The following CSGALNACT1 variants were observed in gnomAD, a reference collection of about 807,000 sequenced individuals.
CSGALNACT1 encodes the protein chondroitin sulfate N-acetylgalactosaminyltransferase 1.
A neutral mutation model predicts 51.0 loss-of-function variants in CSGALNACT1; 52 were observed. That is an observed-to-expected ratio of 1.02 (90% confidence interval 0.82 to 1.29). The LOEUF (loss-of-function observed/expected upper bound fraction) is 1.29. Ranked by LOEUF, CSGALNACT1 falls within the 50% of genes most tolerant of loss-of-function variation. The pLI is 0.00. For synonymous variants in CSGALNACT1, 341 were observed against 254.4 expected, an observed-to-expected ratio of 1.34 and a Z score of -3.24; for missense variants, 935 against 679.2, an observed-to-expected ratio of 1.38 and a Z score of -4.19.
chr8:19,662,502 G>A lies in CSGALNACT1; in HGVS notation c.-544+19971C>T, dbSNP rs1418242788. Among the ~76,000 whole-genome samples the A allele has an allele frequency of 3.9e-5, 6 of 152,336 alleles. No individual in the cohort carries two copies. In the Middle Eastern group the frequency reaches 0.01, roughly 259 times the overall value. The stretch of plus-strand genomic sequence containing the variant: ...TAAACTGTTAGGCTGATGTTTGGGT[G>A]AAAAAGGTTCACATCATCTAATAAT... On this transcript the variant is annotated intron_variant, in intron 1 of 9. Transcript: ENST00000332246.
intron 4 of CSGALNACT1, among the ~76,000 whole-genome samples, chr8:19,469,035 A>G (rs4455847): frequency 0.73 from 111,008 of 151,688 alleles, 41,728 homozygotes; most frequent in East Asian, 0.87. Context: ...CCCAACAGAT[A>G]AGTGAGGGCC....
intron 2 of CSGALNACT1, among the ~76,000 whole-genome samples, chr8:19,594,527 T>C (rs1345052326): frequency 1.3e-5 from 2 of 152,100 alleles, no homozygotes; most frequent in African/African-American, 4.8e-5. Flanking sequence ...CACATGCAAT[T>C]AGCTAGTCCA....
intron 6 of CSGALNACT1, among the ~76,000 whole-genome samples, chr8:19,428,729 G>A (rs1460114918): frequency 1.3e-5 from 2 of 151,932 alleles, no homozygotes; most frequent in African/African-American, 4.8e-5. Flanking sequence ...CGTTCAATTT[G>A]GTTCCACAGA....
At chr8:19,504,070 G>C (rs1300155542) in intron 4 of CSGALNACT1, among the ~76,000 whole-genome samples, 1 of 152,084 alleles carries the variant, frequency 6.6e-6, no homozygotes, top group Non-Finnish European at 1.5e-5. Flanking sequence ...ATATTTCTGG[G>C]CAAGATGAAT....
At chr8:19,503,333 G>A (rs1587386323) in intron 4 of CSGALNACT1, among the ~76,000 whole-genome samples, 2 of 152,204 alleles carry the variant, frequency 1.3e-5, no homozygotes, top group Non-Finnish European at 2.9e-5. Flanking sequence ...CCAAGCCTCA[G>A]AGCAAATATA....
chr8:19,663,726 G>C (rs950209271), intron 1 of CSGALNACT1, among the ~76,000 whole-genome samples: 10 of 152,224 alleles, frequency 6.6e-5, no homozygotes, highest in Non-Finnish European at 1.2e-4. Context: ...AATAACTTGA[G>C]GAAAACGCAA....
intron 1 of CSGALNACT1, among the ~76,000 whole-genome samples, chr8:19,721,146 T>C (rs182225114): frequency 1.5e-3 from 224 of 152,352 alleles, no homozygotes; most frequent in African/African-American, 5.2e-3. Flanking sequence ...AGTTCAAGGC[T>C]CATACCCCAG....
At chr8:19,555,033 G>A (rs2089358933) in intron 3 of CSGALNACT1, among the ~76,000 whole-genome samples, 1 of 151,638 alleles carries the variant, frequency 6.6e-6, no homozygotes, top group Non-Finnish European at 1.5e-5. Flanking sequence ...GTGGTCAGGA[G>A]ATCGAGACCA....
intron 1 of CSGALNACT1, among the ~76,000 whole-genome samples, chr8:19,732,089 G>A (rs1013425246): frequency 2.0e-5 from 3 of 152,148 alleles, no homozygotes; most frequent in African/African-American, 4.8e-5. Flanking sequence ...ATTAGGTAAC[G>A]TAAGCTAAAG....
chr8:19,651,238 C>G (rs1381965586), intron 1 of CSGALNACT1, among the ~76,000 whole-genome samples: 1 of 152,066 alleles, frequency 6.6e-6, no homozygotes, highest in East Asian at 1.9e-4. Context: ...TAATACCTTT[C>G]CTGTTTTTTT....
chr8:19,680,736 C>CA (rs1431149635), intron 1 of CSGALNACT1, among the ~76,000 whole-genome samples: 1 of 152,086 alleles, frequency 6.6e-6, no homozygotes, highest in African/African-American at 2.4e-5. Context: ...TATCATTAGG[C>CA]AATTTCATCA....
intron 3 of CSGALNACT1, among the ~76,000 whole-genome samples, chr8:19,514,885 T>C (rs1010825628): frequency 6.6e-6 from 1 of 152,142 alleles, no homozygotes; most frequent in South Asian, 2.1e-4. Flanking sequence ...TGTAGTATTA[T>C]GTATTTACAA....
intron 4 of CSGALNACT1, among the ~76,000 whole-genome samples, chr8:19,477,730 T>TAAA (rs147737522): frequency 5.3e-4 from 81 of 152,318 alleles, no homozygotes; most frequent in African/African-American, 1.8e-3. Context: ...TCTTCACTTC[T>TAAA]AAAATAAGAA....
chr8:19,733,890 T>G (rs2063823797), intron 1 of CSGALNACT1, among the ~76,000 whole-genome samples: 1 of 152,134 alleles, frequency 6.6e-6, no homozygotes, highest in Admixed American at 6.5e-5. Flanking sequence ...AGGAACAGCT[T>G]ATCTCCAGCT....
intron 4 of CSGALNACT1, among the ~76,000 whole-genome samples, chr8:19,464,842 C>G (rs1323186007): frequency 3.3e-5 from 5 of 152,190 alleles, no homozygotes; most frequent in Non-Finnish European, 7.3e-5. Flanking sequence ...TTAGGGACTG[C>G]CGACAACTTT....
chr8:19,421,165 C>T (rs777791683), intron 6 of CSGALNACT1, among the ~76,000 whole-genome samples: 2 of 152,248 alleles, frequency 1.3e-5, no homozygotes, highest in Admixed American at 1.3e-4. Context: ...TCAGTTGCCT[C>T]ATCTGCTAAA....
chr8:19,539,662 G>A (rs1554681502), intron 3 of CSGALNACT1, among the ~76,000 whole-genome samples: 1 of 152,176 alleles, frequency 6.6e-6, no homozygotes, highest in Non-Finnish European at 1.5e-5. Context: ...ATACTGCACT[G>A]TCAGGCCACA....
chr8:19,509,427 C>A (rs1014159623), intron 3 of CSGALNACT1, among the ~76,000 whole-genome samples: 2 of 151,700 alleles, frequency 1.3e-5, no homozygotes, highest in Non-Finnish European at 2.9e-5. Flanking sequence ...CAAGACCAGC[C>A]GGCCAACATG....
At chr8:19,636,366 C>T (rs1049615905) in intron 1 of CSGALNACT1, among the ~76,000 whole-genome samples, 12 of 152,134 alleles carry the variant, frequency 7.9e-5, no homozygotes, top group Admixed American at 7.2e-4. Context: ...TTGGGACTAT[C>T]TGTGGCTTCA....
Sources: allele counts gnomAD v4.1 joint callset (sites outside exome capture counted in the v4.1 genomes callset), GRCh38; gene constraint gnomAD v4.1.1; transcripts MANE v1.5; gene names NCBI Gene and HGNC (gene_info 2026-07-23, HGNC 2026-07-21).